The following NEMF variants were observed in gnomAD, a reference collection of about 807,000 sequenced individuals.
NEMF encodes ribosome quality control complex subunit NEMF.
In NEMF, 89 loss-of-function variants were observed where a neutral mutation model predicts 162.2. The observed-to-expected ratio is 0.55, with a 90% CI of 0.46 to 0.65. The LOEUF is 0.65. Ranked by LOEUF, NEMF falls within the 30% of genes least tolerant of loss-of-function variation. The pLI is 0.00. For synonymous variants in NEMF, 421 were observed against 404.5 expected (o/e 1.04, Z -0.49); for missense variants, 1,133 against 1,261.9 (o/e 0.90, Z 1.55).
rs1446050841 is a variant in NEMF, at chr14:49,844,733, G to GCACACACACA, written c.357+1406_357+1407insTGTGTGTGTG. ...TATACATACACACGCACGCGCACGC[G>GCACACACACA]CGCGCACACACACACACACACACAC... On this transcript the variant is annotated intron_variant, in intron 4 of 32. Transcript: ENST00000298310. The GCACACACACA allele has an allele frequency of 4.2e-4, 45 of 107,308 alleles. 1 individual carries two copies. Among genetic ancestry groups the GCACACACACA allele is most frequent in the African/African-American group, 1.7e-3 (44 of 25,418 alleles). The allele number at this position is 107,308 out of a possible 1,614,324, so 6.6% of individuals were successfully genotyped here.
At chr14:49,819,784 A>G (rs544752604) in intron 16 of NEMF, among the ~76,000 whole-genome samples, 2 of 152,216 alleles carry the variant, frequency 1.3e-5, no homozygotes, top group Admixed American at 6.5e-5. Flanking sequence ...GAGGTAGAGC[A>G]ATTGCATGTA....
rs2139811202 is a variant in NEMF, at chr14:49,784,259, A to G, written c.*377T>C. ...AGTTCATTTGGCCTGTAATATATAT[A>G]TTAGATGTTATATACAGTAGACTTA... On this transcript the variant is annotated 3_prime_UTR_variant, in exon 33 of 33. Transcript: ENST00000298310. The G allele has an allele frequency of 6.4e-6, 1 of 155,716 alleles. No individual in the cohort carries two copies. The highest frequency in any genetic ancestry group is 1.4e-5 in the Non-Finnish European group (1 of 71,926). The allele number at this position is 155,716 out of a possible 1,614,324, so 9.6% of individuals were successfully genotyped here.
intron 16 of NEMF, among the ~76,000 whole-genome samples, chr14:49,821,790 C>T (rs1178179362): frequency 5.9e-5 from 9 of 151,878 alleles, no homozygotes; most frequent in Non-Finnish European, 1.2e-4. Flanking sequence ...GCCCAGCCAC[C>T]ACCCCGTCTG....
chr14:49,808,780 G>A (rs1030984658), intron 18 of NEMF, among the ~76,000 whole-genome samples: 1 of 151,272 alleles, frequency 6.6e-6, no homozygotes, highest in African/African-American at 2.4e-5. Context: ...AAAAGACATA[G>A]CAGATAAAAG....
chr14:49,804,135 C>A (rs1216224871), intron 19 of NEMF, among the ~76,000 whole-genome samples: 1 of 150,686 alleles, frequency 6.6e-6, no homozygotes, highest in South Asian at 2.1e-4. Flanking sequence ...CTCCCAGGTA[C>A]CTGGGATTAC....
At chr14:49,800,717 A>C (rs1281332719) in intron 22 of NEMF, 21 bp from the exon 23 acceptor site, 1 of 1,604,984 alleles carries the variant, frequency 6.2e-7, no homozygotes, top group Admixed American at 1.7e-5. Flanking sequence ...ATCATAAGGA[A>C]AGTCAGTGTG....
rs1321485042 is a variant in NEMF, at chr14:49,783,539, T to TTTAA, written c.*1093_*1096dup. The stretch of plus-strand genomic sequence containing the variant: ...TGTCCAGTCAATTAAAAAGTTTTTT[T>TTTAA]TTAATTAATAGGTTTTATAGCTCAT... On this transcript the variant is annotated 3_prime_UTR_variant, in exon 33 of 33. Transcript: ENST00000298310. 5.9e-5 allele frequency: 9 copies of TTTAA among 152,164 alleles called. No homozygotes were observed. Among genetic ancestry groups the TTTAA allele is most frequent in the African/African-American group, 1.4e-4 (6 of 41,428 alleles). 9.4% of individuals were successfully genotyped at this position (152,164 alleles called of 1,614,324 possible).
chr14:49,824,822 C>T (rs974818538), intron 16 of NEMF, among the ~76,000 whole-genome samples: 2 of 152,120 alleles, frequency 1.3e-5, no homozygotes, highest in African/African-American at 4.8e-5. Flanking sequence ...CTGGAACACA[C>T]ACTCTTTCAA....
intron 16 of NEMF, among the ~76,000 whole-genome samples, chr14:49,824,604 T>C (rs1039061057): frequency 1.3e-5 from 2 of 152,000 alleles, no homozygotes; most frequent in African/African-American, 4.8e-5. Context: ...TACTCAATTT[T>C]TTTTTTTAAG....
In NEMF at chr14:49,832,040, G is replaced by A. The variant is rs187587393; in HGVS notation, c.882+11C>T. ...TAACTAACTGGTAAAGGAACAGAAC[G>A]GAAAACCCACCTTGTCAAATGATTC... On this transcript the variant is annotated intron_variant, in intron 10 of 32. Coordinates refer to ENST00000298310, the MANE Select transcript of NEMF (RefSeq NM_004713.6). 1,033 of 1,582,414 alleles carry A rather than the reference G, an allele frequency of 6.5e-4. 6 individuals are homozygous for A. The African/African-American group carries it at 0.012, about 19-fold the overall frequency.
chr14:49,822,143 A>G (rs555285483), intron 16 of NEMF, among the ~76,000 whole-genome samples: 100 of 152,060 alleles, frequency 6.6e-4, no homozygotes, highest in African/African-American at 2.1e-3. Flanking sequence ...CCACTCCCCA[A>G]TCTCAAGTAC....
intron 25 of NEMF, among the ~76,000 whole-genome samples, chr14:49,796,827 C>G (rs1246326143): frequency 1.3e-5 from 2 of 152,210 alleles, no homozygotes; most frequent in Non-Finnish European, 2.9e-5. Flanking sequence ...CCTTCCAACT[C>G]AGTCTATTTA....
intron 19 of NEMF, 23 bp downstream of exon 19, chr14:49,805,982 TCTTAGTAAATTAAGAA>T (rs758781115): frequency 1.5e-5 from 22 of 1,443,286 alleles, no homozygotes; most frequent in Non-Finnish European, 1.4e-5. Flanking sequence ...ACACAGTAGC[TCTTAGTAAATTAAGAA>T]AAAGGACAAG....
rs754288697 is a variant in NEMF at position 49,782,518 on chromosome 14, G to C, written c.*2118C>G. 2.5e-6 allele frequency: 4 copies of C among 1,601,934 alleles called. No individual in the cohort carries two copies. The African/African-American group carries it at 5.4e-5, about 21-fold the overall frequency. On this transcript the variant is annotated 3_prime_UTR_variant, in exon 33 of 33. Coordinates refer to ENST00000298310, the MANE Select transcript of NEMF (RefSeq NM_004713.6). ...ACTTGCAAAGCATTTGCTTTTAAAT[G>C]TGTTCTTCCTATTTATTTTTCAGGC... is the stretch of plus-strand genomic sequence containing the variant.
chr14:49,838,125 G>A lies in NEMF; in HGVS notation c.574+14C>T, dbSNP rs748183456. On this transcript the variant is annotated intron_variant, in intron 6 of 32. Transcript: ENST00000298310. ...CCTTGCAAACATTTCACTGCTATTT[G>A]CAGGAATACTCACGAAGTAATGGGT... is the stretch of plus-strand genomic sequence containing the variant. The A allele has an allele frequency of 1.1e-5, 17 of 1,594,000 alleles. No individual in the cohort carries two copies. The highest frequency in any genetic ancestry group is 1.5e-5 in the Non-Finnish European group (17 of 1,163,748).
Position 49,812,447 on chromosome 14 carries a change from C to T in NEMF, c.1744+1541G>A, listed in dbSNP as rs76454323. Among the ~76,000 whole-genome samples, 84 of 152,124 alleles carry T rather than the reference C, an allele frequency of 5.5e-4. 1 individual carries two copies. The East Asian group carries it at 0.013, about 24-fold the overall frequency. On this transcript the variant is annotated intron_variant, in intron 18 of 32. Transcript: ENST00000298310. ...TAATATTTACTATTTTCTTCCTTCT[C>T]CTTGCTTTGGGTTGTTTTTCTAGTT... is the stretch of plus-strand genomic sequence containing the variant.
intron 3 of NEMF, among the ~76,000 whole-genome samples, chr14:49,848,194 C>A (rs537152142): frequency 5.9e-5 from 9 of 152,220 alleles, no homozygotes; most frequent in Non-Finnish European, 8.8e-5. Flanking sequence ...ACTAATATAA[C>A]CCAAAGAGAA....
chr14:49,806,254 A>ATTTTTT (rs1382049259), intron 18 of NEMF, 121 bp from the exon 19 acceptor site: 1 of 16,558 alleles, frequency 6.0e-5, no homozygotes, highest in African/African-American at 2.1e-4. Flanking sequence ...ATATATATAT[A>ATTTTTT]TATTTTTTTT....
At position 49,840,227 on chromosome 14, in the gene NEMF, C is replaced by T. The variant is rs569149006; in HGVS notation, c.506+491G>A. 7.2e-5 allele frequency among the ~76,000 whole-genome samples: 11 copies of T among 152,106 alleles called. No homozygotes were observed. In the East Asian group the frequency reaches 7.7e-4, roughly 11 times the overall value. ...CTGTAATCCCAGCACTTTGGGAGGC[C>T]GAGGCAGGCAGATTGCCTGAGGTCA... On this transcript the variant is annotated intron_variant, in intron 5 of 32. Transcript: ENST00000298310.
Sources: gnomAD v4.1 joint callset for allele counts (sites outside exome capture counted in the v4.1 genomes callset) on GRCh38, gnomAD v4.1.1 for gene constraint, MANE v1.5 for transcripts, NCBI Gene and HGNC (gene_info 2026-07-23, HGNC 2026-07-21) for gene names.